Variants in RAB27A observed in about 807,000 individuals in gnomAD.
The protein encoded by RAB27A is RAB27A, member RAS oncogene family.
RAB27A carries 17 observed loss-of-function variants against 20.8 expected under a neutral mutation model. The observed-to-expected ratio is 0.82, with a 90% confidence interval of 0.56 to 1.23. The LOEUF is 1.23. Ranked by LOEUF, RAB27A falls within the 50% of genes most tolerant of loss-of-function variation. The pLI is 0.00. For missense variants in RAB27A, 277 were observed against 266.7 expected, an observed-to-expected ratio of 1.04 and a Z score of -0.27; for synonymous variants, 85 against 92.8, an observed-to-expected ratio of 0.92 and a Z score of 0.48.
At chr15:55,221,771 T>C (rs1338960098) in intron 6 of RAB27A, among the ~76,000 whole-genome samples, 4 of 152,182 alleles carry the variant, frequency 2.6e-5, no homozygotes, top group South Asian at 2.1e-4. Context: ...GCTCATCTTA[T>C]TGTCATAAAC....
chr15:55,210,788 T>C (rs1188202717), intron 6 of RAB27A, among the ~76,000 whole-genome samples: 3 of 152,188 alleles, frequency 2.0e-5, no homozygotes, highest in South Asian at 2.1e-4. Context: ...CATATTTCTA[T>C]TCTTGTGTTG....
At chr15:55,240,655 C>T (rs1473833057) in intron 2 of RAB27A, among the ~76,000 whole-genome samples, 2 of 152,106 alleles carry the variant, frequency 1.3e-5, no homozygotes, top group African/African-American at 4.8e-5. Context: ...ACAACCAAGC[C>T]ACCTGTATTT....
chr15:55,271,839 TAA>T (rs1897717443), intron 1 of RAB27A, among the ~76,000 whole-genome samples: 1 of 152,128 alleles, frequency 6.6e-6, no homozygotes, highest in African/African-American at 2.4e-5. Flanking sequence ...CTGTCCAATC[TAA>T]AAAAACCACC....
chr15:55,298,761 C>G (rs945926656), intron 2 of RAB27A, among the ~76,000 whole-genome samples: 7 of 152,316 alleles, frequency 4.6e-5, no homozygotes, highest in African/African-American at 1.4e-4. Context: ...CCCAGGGGGG[C>G]CGTCTATAGA....
At chr15:55,215,604 A>G (rs1895248128) in intron 6 of RAB27A, among the ~76,000 whole-genome samples, 1 of 142,146 alleles carries the variant, frequency 7.0e-6, no homozygotes, top group Non-Finnish European at 1.5e-5. Flanking sequence ...GTGAGCCGAG[A>G]TCGCGCCACT....
At chr15:55,223,615 T>C (rs1895677407) in intron 6 of RAB27A, among the ~76,000 whole-genome samples, 1 of 152,170 alleles carries the variant, frequency 6.6e-6, no homozygotes, top group Non-Finnish European at 1.5e-5. Context: ...AGGCCTTACA[T>C]ACTTAAGGCG....
chr15:55,294,495 G>A (rs1566939148), upstream of RAB27A, among the ~76,000 whole-genome samples: 2 of 151,022 alleles, frequency 1.3e-5, no homozygotes, highest in South Asian at 4.2e-4. Context: ...AGCTGAGATG[G>A]GAGGATCGCT....
chr15:55,246,439 G>A (rs1896688795), intron 2 of RAB27A, among the ~76,000 whole-genome samples: 2 of 151,192 alleles, frequency 1.3e-5, no homozygotes, highest in South Asian at 4.2e-4. Flanking sequence ...TTAATTTATT[G>A]AAACCATTGA....
chr15:55,308,078 G>A (rs781212928), intron 2 of RAB27A, among the ~76,000 whole-genome samples: 2 of 152,088 alleles, frequency 1.3e-5, no homozygotes, highest in South Asian at 2.1e-4. Flanking sequence ...TTGGTTTCCC[G>A]GAGGGGATTA....
intron 2 of RAB27A, among the ~76,000 whole-genome samples, chr15:55,254,000 C>T (rs964188237): frequency 6.6e-6 from 1 of 152,106 alleles, no homozygotes; most frequent in African/African-American, 2.4e-5. Flanking sequence ...TAACAGTACA[C>T]TTAATTTTTT....
At chr15:55,305,764 A>AG (rs1466022344) in intron 2 of RAB27A, among the ~76,000 whole-genome samples, 1 of 152,232 alleles carries the variant, frequency 6.6e-6, no homozygotes, top group Non-Finnish European at 1.5e-5. Context: ...TACTGCTGCT[A>AG]GGAAGTTAAG....
chr15:55,306,111 T>TG (rs35223551), intron 2 of RAB27A, among the ~76,000 whole-genome samples: 6 of 152,174 alleles, frequency 3.9e-5, no homozygotes, highest in South Asian at 2.1e-4. Context: ...AGACTATTCG[T>TG]GGGGGGGAGT....
At position 55,301,645 on chromosome 15, in the gene RAB27A, CTTTTTTT is replaced by C. The variant is rs754262049; in HGVS notation, c.-112+12387_-112+12393del. Among the ~76,000 whole-genome samples the C allele has an allele frequency of 4.3e-5, 5 of 117,610 alleles. No individual in the cohort carries two copies. The Admixed American group carries it at 4.9e-4, about 11-fold the overall frequency. 77.2% of individuals were successfully genotyped at this position (117,610 alleles called of 152,430 possible). A position where few individuals can be genotyped will look rare whatever the true frequency, so the allele number is the denominator to read the frequency against. On this transcript the variant is annotated intron_variant, in intron 2 of 5. Coordinates refer to the RAB27A transcript ENST00000563262. ...AGAACATTTTCATCACCCTAAAAAT[CTTTTTTT>C]TTTTTTTTTTTTGAGGCGGAGTCTC...
chr15:55,210,412 GT>G (rs572160899), intron 6 of RAB27A, among the ~76,000 whole-genome samples: 76 of 127,950 alleles, frequency 5.9e-4, no homozygotes, highest in Admixed American at 1.5e-3. Flanking sequence ...TTTAGGTGTG[GT>G]TTTTTTTTTT....
At chr15:55,252,417 A>T (rs1460640264) in intron 2 of RAB27A, among the ~76,000 whole-genome samples, 1 of 152,120 alleles carries the variant, frequency 6.6e-6, no homozygotes, top group Non-Finnish European at 1.5e-5. Flanking sequence ...CCTGGCCAAC[A>T]TGGGGAAACC....
At chr15:55,235,750 A>G (rs1896228531) in intron 2 of RAB27A, among the ~76,000 whole-genome samples, 1 of 152,032 alleles carries the variant, frequency 6.6e-6, no homozygotes, top group African/African-American at 2.4e-5. Context: ...TCACCAGTCA[A>G]TGAGTAGATA....
At chr15:55,258,960 G>T (rs1426795209) in intron 2 of RAB27A, among the ~76,000 whole-genome samples, 2 of 151,994 alleles carry the variant, frequency 1.3e-5, no homozygotes, top group Non-Finnish European at 2.9e-5. Flanking sequence ...AAGTAGCTGG[G>T]GCTACAAGCA....
intron 1 of RAB27A, among the ~76,000 whole-genome samples, chr15:55,283,932 G>C (rs1283645541): frequency 6.6e-6 from 1 of 152,164 alleles, no homozygotes; most frequent in Non-Finnish European, 1.5e-5. Flanking sequence ...GATAGGACTT[G>C]ACCAGCCTCC....
intron 1 of RAB27A, among the ~76,000 whole-genome samples, chr15:55,275,977 G>C (rs1566933363): frequency 6.7e-6 from 1 of 149,166 alleles, no homozygotes; most frequent in Non-Finnish European, 1.5e-5. Flanking sequence ...GGAGAAAAGG[G>C]AACCTTGTAC....
Sources: gnomAD v4.1 joint callset for allele counts (sites outside exome capture counted in the v4.1 genomes callset) on GRCh38, gnomAD v4.1.1 for gene constraint, MANE v1.5 for transcripts, NCBI Gene and HGNC (gene_info 2026-07-23, HGNC 2026-07-21) for gene names.